The following DZIP1L variants were observed in gnomAD, a reference collection of about 807,000 sequenced individuals.
DZIP1L encodes cilium assembly protein DZIP1L.
In DZIP1L, 90 loss-of-function variants were observed where a neutral mutation model predicts 88.7. The ratio of observed to expected loss-of-function variants is 1.02; its 90% CI spans 0.86 to 1.21. The LOEUF (loss-of-function observed/expected upper bound fraction) is 1.21. DZIP1L is among the 50% of genes most tolerant of loss of function. The pLI, the probability that DZIP1L is intolerant of heterozygous loss-of-function variation, is 0.00. For missense variants in DZIP1L, 932 were observed against 955.8 expected (o/e 0.98, Z 0.33); for synonymous variants, 363 against 372.1 (o/e 0.98, Z 0.28).
At chr3:138,099,944 T>C (rs921077783) in intron 2 of DZIP1L, among the ~76,000 whole-genome samples, 9 of 152,162 alleles carry the variant, frequency 5.9e-5, no homozygotes, top group African/African-American at 1.9e-4. Flanking sequence ...ACTAAGACAG[T>C]GTTTTTTGTA....
intron 2 of DZIP1L, chr3:138,102,163 G>A: frequency 7.3e-7 from 1 of 1,377,082 alleles, no homozygotes. Flanking sequence ...TCCAGGGAGT[G>A]ACTGTTGTCC....
At chr3:138,106,290 C>T (rs981421167) in intron 1 of DZIP1L, among the ~76,000 whole-genome samples, 1 of 151,142 alleles carries the variant, frequency 6.6e-6, no homozygotes, top group Non-Finnish European at 1.5e-5. Context: ...AGGCACACTC[C>T]ACCACACCTG....
intron 8 of DZIP1L, among the ~76,000 whole-genome samples, chr3:138,082,407 T>C (rs2107776804): frequency 1.3e-5 from 2 of 152,344 alleles, no homozygotes; most frequent in Middle Eastern, 6.8e-3. Context: ...TTGTGGTTTT[T>C]CTTGGTTCGT....
At chr3:138,066,683 A>G (rs1390783295) in intron 14 of DZIP1L, among the ~76,000 whole-genome samples, 2 of 152,044 alleles carry the variant, frequency 1.3e-5, no homozygotes, top group South Asian at 2.1e-4. Context: ...AGCACCCAGC[A>G]ACACCAACAT....
At chr3:138,068,914 C>G in intron 12 of DZIP1L, 1 of 1,255,792 alleles carries the variant, frequency 8.0e-7, no homozygotes, top group Non-Finnish European at 1.0e-6. Context: ...AGAGCGGTCC[C>G]GGATCAGCAA....
At chr3:138,109,898 G>A (rs1026130664) in intron 1 of DZIP1L, among the ~76,000 whole-genome samples, 2 of 152,178 alleles carry the variant, frequency 1.3e-5, no homozygotes, top group African/African-American at 2.4e-5. Context: ...TCATAAGTGG[G>A]AGTTGAACAA....
chr3:138,062,892 A>C lies in DZIP1L; in HGVS notation c.2228T>G (p.Leu743Trp). Reference sequence around the variant, plus strand: ...CTTCTCTGGGAGCTTTGAGCGAGACAAGGGCTTGGGTTTCTCTCTCTGGTC... The same window carrying C: ...CTTCTCTGGGAGCTTTGAGCGAGACCAGGGCTTGGGTTTCTCTCTCTGGTC... ...DLDQREKPKP[L>W]SRSKLPEKFG... is the part of the protein sequence containing the mutation. The change falls in exon 16 of 16, where the codon TTG becomes TGG. Residue 743 changes from leucine (L) to tryptophan (W), a missense_variant. By Grantham distance (61) the Leu-to-Trp change is moderately conservative. Coordinates refer to ENST00000327532, the MANE Select transcript of DZIP1L (RefSeq NM_173543.3). 4.3e-6 allele frequency: 7 copies of C among 1,614,210 alleles called. No individual in the cohort carries two copies. The highest frequency in any genetic ancestry group is 5.9e-6 in the Non-Finnish European group (7 of 1,180,038).
intron 12 of DZIP1L, chr3:138,069,208 T>G: frequency 1.6e-6 from 1 of 638,582 alleles, no homozygotes; most frequent in Non-Finnish European, 2.8e-6. Context: ...TTTATGATGA[T>G]CCACTTCCCC....
chr3:138,077,672 T>C, intron 10 of DZIP1L, 40 bp from the exon 11 acceptor site: 1 of 1,609,416 alleles, frequency 6.2e-7, no homozygotes, highest in South Asian at 1.1e-5. Flanking sequence ...CCTGGGCACC[T>C]GAGTTCTCCA....
intron 4 of DZIP1L, among the ~76,000 whole-genome samples, chr3:138,093,913 TTTC>T (rs1313520466): frequency 1.3e-5 from 2 of 152,238 alleles, no homozygotes; most frequent in Admixed American, 1.3e-4. Context: ...GCTGTTTCAC[TTTC>T]TTATCATTTG....
chr3:138,093,633 T>G (rs1002238890), intron 4 of DZIP1L, among the ~76,000 whole-genome samples: 2 of 152,268 alleles, frequency 1.3e-5, no homozygotes, highest in African/African-American at 4.8e-5. Flanking sequence ...TAGCTAGATC[T>G]CCAAGATAAC....
chr3:138,080,483 G>A, intron 10 of DZIP1L, 84 bp downstream of exon 10: 2 of 1,485,838 alleles, frequency 1.3e-6, no homozygotes, highest in South Asian at 2.3e-5. Context: ...TCCAGATACA[G>A]TTAAGTAGAG....
intron 3 of DZIP1L, among the ~76,000 whole-genome samples, chr3:138,097,021 A>C (rs1944505628): frequency 6.6e-6 from 1 of 151,968 alleles, no homozygotes. Flanking sequence ...CTCTATGAAA[A>C]ATTTTTAAAA....
intron 4 of DZIP1L, 98 bp downstream of exon 4, chr3:138,094,764 A>T: frequency 2.6e-6 from 4 of 1,546,980 alleles, no homozygotes. Context: ...GCTCTGGGAA[A>T]CTAGCTGGAA....
intron 1 of DZIP1L, among the ~76,000 whole-genome samples, chr3:138,111,240 T>C (rs972828149): frequency 6.6e-6 from 1 of 152,210 alleles, no homozygotes; most frequent in African/African-American, 2.4e-5. Flanking sequence ...GGTCTTGAAG[T>C]AATGGGGCTA....
At chr3:138,107,488 A>T (rs1576508220) in intron 1 of DZIP1L, among the ~76,000 whole-genome samples, 2 of 152,130 alleles carry the variant, frequency 1.3e-5, no homozygotes, top group Non-Finnish European at 2.9e-5. Flanking sequence ...TGAGAAATAC[A>T]TTTCTTTTCT....
At chr3:138,102,286 C>T (rs1040016029) in intron 2 of DZIP1L, 39 of 1,432,258 alleles carry the variant, frequency 2.7e-5, no homozygotes, top group Non-Finnish European at 3.7e-5. Context: ...AGGCGAGACT[C>T]CAGCTCTACC....
At chr3:138,071,562 C>T in intron 12 of DZIP1L, 81 bp downstream of exon 12, 1 of 1,490,534 alleles carries the variant, frequency 6.7e-7, no homozygotes. Flanking sequence ...GAGACTATAC[C>T]CTCCTCATGT....
At position 138,103,763 on chromosome 3, in the gene DZIP1L, T is replaced by A. The variant is rs1310942364; in HGVS notation, c.209A>T (p.Glu70Val). 2 of 1,613,984 alleles carry A rather than the reference T, an allele frequency of 1.2e-6. No individual in the cohort carries two copies. Among genetic ancestry groups the A allele is most frequent in the East Asian group, 4.5e-5 (2 of 44,884 alleles). ...AGITFCNLDR[E>V]VCSRCGQPVD... ...AGGCTGCCCACAGCGGCTGCACACC[T>A]CCCGGTCCAAGTTGCAGAAGGTGAT... Residue 70 changes from glutamate to valine, a missense_variant, in exon 2 of 16, where the codon GAG becomes GTG. Transcript: ENST00000327532.
Sources: gnomAD v4.1 joint callset for allele counts (sites outside exome capture counted in the v4.1 genomes callset) on GRCh38, gnomAD v4.1.1 for gene constraint, MANE v1.5 for transcripts, NCBI Gene and HGNC (gene_info 2026-07-23, HGNC 2026-07-21) for gene names.